The following PDE7B variants were observed in gnomAD, a reference collection of about 807,000 sequenced individuals.
PDE7B encodes the protein phosphodiesterase 7B.
PDE7B carries 29 observed loss-of-function variants against 56.2 expected under a neutral mutation model. The ratio of observed to expected loss-of-function variants is 0.52; its 90% CI spans 0.38 to 0.70. The LOEUF (loss-of-function observed/expected upper bound fraction) is 0.70. Ranked by LOEUF, PDE7B falls within the 30% of genes least tolerant of loss-of-function variation. PDE7B has a pLI of 0.00. For missense variants in PDE7B, 490 were observed against 565.0 expected, an observed-to-expected ratio of 0.87 and a Z score of 1.35; for synonymous variants, 197 against 196.9, an observed-to-expected ratio of 1.00 and a Z score of 0.00.
At chr6:136,038,089 A>C in intron 2 of PDE7B, 1 of 1,334,880 alleles carries the variant, frequency 7.5e-7, no homozygotes, top group Non-Finnish European at 9.9e-7. Context: ...AGAGACAGGG[A>C]GGTTGTGCCA....
intron 2 of PDE7B, among the ~76,000 whole-genome samples, chr6:135,960,092 G>C (rs1182210889): frequency 1.3e-5 from 2 of 152,046 alleles, no homozygotes; most frequent in Non-Finnish European, 2.9e-5. Context: ...TTCAAATATT[G>C]CTTTCATGGG....
Position 135,926,921 on chromosome 6 carries a change from G to T in PDE7B, c.22-20543G>T, listed in dbSNP as rs1434556834. 1.3e-5 allele frequency among the ~76,000 whole-genome samples: 2 copies of T among 152,074 alleles called. 1 individual carries two copies. The highest frequency in any genetic ancestry group is 2.9e-5 in the Non-Finnish European group (2 of 68,022). On this transcript the variant is annotated intron_variant, in intron 1 of 12. Coordinates refer to ENST00000308191, the MANE Select transcript of PDE7B (RefSeq NM_018945.4). The stretch of plus-strand genomic sequence containing the variant: ...TCCGCATAATCTTTATGAATTCTTT[G>T]AATTAATGTAGCTGCTTGAATTAAT...
In PDE7B at chr6:136,173,915, T is replaced by C. The variant is rs557584375; in HGVS notation, c.803+27T>C. ...TAAGTGCTGCCGAGATGAAACATAC[T>C]GATGTGCATGCAGTAAAGATAAGCC... On this transcript the variant is annotated intron_variant, in intron 9 of 12. Transcript: ENST00000308191. 3 of 1,485,816 alleles carry C rather than the reference T, an allele frequency of 2.0e-6. No individual in the cohort carries two copies. The African/African-American group carries it at 4.2e-5, about 21-fold the overall frequency. The allele number at this position is 1,485,816 out of a possible 1,614,324, so 92.0% of individuals were successfully genotyped here.
At chr6:136,019,010 C>T (rs1776025615) in intron 2 of PDE7B, among the ~76,000 whole-genome samples, 1 of 151,964 alleles carries the variant, frequency 6.6e-6, no homozygotes, top group South Asian at 2.1e-4. Context: ...ACCCACCCAG[C>T]TCAGACTCTA....
intron 2 of PDE7B, among the ~76,000 whole-genome samples, chr6:136,002,734 T>G (rs557536393): frequency 3.5e-4 from 54 of 152,200 alleles, no homozygotes; most frequent in African/African-American, 1.1e-3. Flanking sequence ...AGACTTAGAC[T>G]CCCACAAATT....
chr6:135,867,336 A>G (rs776885360), intron 1 of PDE7B, among the ~76,000 whole-genome samples: 3 of 152,304 alleles, frequency 2.0e-5, no homozygotes, highest in Admixed American at 6.5e-5. Context: ...GAGAGAGTCA[A>G]TGTTCAACAA....
intron 2 of PDE7B, chr6:136,070,116 G>C (rs935819689): frequency 2.6e-5 from 4 of 151,402 alleles, no homozygotes; most frequent in African/African-American, 7.3e-5. Context: ...GTATTCAGCT[G>C]CACTGTATCT....
At chr6:136,024,969 A>T (rs1776128035) in intron 2 of PDE7B, among the ~76,000 whole-genome samples, 1 of 152,156 alleles carries the variant, frequency 6.6e-6, no homozygotes, top group African/African-American at 2.4e-5. Context: ...TTTTATTTGC[A>T]CGTTTGTGCT....
chr6:136,195,024 A>C lies in PDE7B; in HGVS notation c.*3184A>C, dbSNP rs2128453289. 1 of 152,330 alleles carries C rather than the reference A, an allele frequency of 6.6e-6. No homozygotes were observed. The highest frequency in any genetic ancestry group is 2.1e-4 in the South Asian group (1 of 4,826). 9.4% of individuals were successfully genotyped at this position (152,330 alleles called of 1,614,324 possible). On this transcript the variant is annotated 3_prime_UTR_variant, in exon 13 of 13. Coordinates refer to ENST00000308191, the MANE Select transcript of PDE7B (RefSeq NM_018945.4). ...TTCTTTCATTGCTTGAGAAGAAAGG[A>C]ATCAAAGGACTGTGTGTAGTAAGCT...
At chr6:136,062,406 A>G (rs1236106190) in intron 2 of PDE7B, among the ~76,000 whole-genome samples, 1 of 152,234 alleles carries the variant, frequency 6.6e-6, no homozygotes, top group Middle Eastern at 3.2e-3. Flanking sequence ...CTAAGCTCTT[A>G]GAGAATTCCA....
At chr6:135,920,193 G>A (rs1460701842) in intron 1 of PDE7B, among the ~76,000 whole-genome samples, 1 of 152,028 alleles carries the variant, frequency 6.6e-6, no homozygotes, top group Non-Finnish European at 1.5e-5. Context: ...TGGCAAAAGA[G>A]AATTCAAGAT....
intron 2 of PDE7B, among the ~76,000 whole-genome samples, chr6:136,087,662 G>T (rs1415457062): frequency 6.6e-6 from 1 of 152,096 alleles, no homozygotes; most frequent in Non-Finnish European, 1.5e-5. Context: ...GTATGCTAAG[G>T]CATGCAAAGC....
At chr6:135,984,594 C>T (rs1775346592) in intron 2 of PDE7B, among the ~76,000 whole-genome samples, 2 of 152,132 alleles carry the variant, frequency 1.3e-5, no homozygotes, top group Middle Eastern at 3.4e-3. Context: ...CAGGTCTATT[C>T]CAGGAAAAAT....
intron 2 of PDE7B, among the ~76,000 whole-genome samples, chr6:135,953,305 A>C (rs561894704): frequency 6.6e-6 from 1 of 152,278 alleles, no homozygotes; most frequent in African/African-American, 2.4e-5. Context: ...TTCTTAAAAA[A>C]ATAATACACA....
At chr6:135,889,149 AG>A (rs1440796417) in intron 1 of PDE7B, among the ~76,000 whole-genome samples, 1 of 152,144 alleles carries the variant, frequency 6.6e-6, no homozygotes, top group Non-Finnish European at 1.5e-5. Context: ...TAAATTCTAA[AG>A]GAATCCTGAG....
At chr6:135,957,295 A>G (rs1774814328) in intron 2 of PDE7B, among the ~76,000 whole-genome samples, 1 of 152,196 alleles carries the variant, frequency 6.6e-6, no homozygotes, top group South Asian at 2.1e-4. Flanking sequence ...AACTAATGTT[A>G]CAAGAAATAT....
intron 3 of PDE7B, among the ~76,000 whole-genome samples, chr6:136,142,843 G>C (rs2128446163): frequency 8.1e-6 from 1 of 123,406 alleles, no homozygotes; most frequent in South Asian, 2.7e-4. Context: ...GCCTATGTGT[G>C]TCTCTGCACA....
chr6:136,136,115 A>G (rs1477503946), intron 3 of PDE7B, among the ~76,000 whole-genome samples: 1 of 152,134 alleles, frequency 6.6e-6, no homozygotes, highest in Non-Finnish European at 1.5e-5. Flanking sequence ...GGGATCCTGA[A>G]CCCTGAACTA....
At chr6:136,016,732 A>G (rs1217369336) in intron 2 of PDE7B, among the ~76,000 whole-genome samples, 1 of 152,140 alleles carries the variant, frequency 6.6e-6, no homozygotes, top group Admixed American at 6.5e-5. Flanking sequence ...ACCACCTGCA[A>G]CAGAACTGGA....
Sources: allele counts gnomAD v4.1 joint callset (sites outside exome capture counted in the v4.1 genomes callset), GRCh38; gene constraint gnomAD v4.1.1; transcripts MANE v1.5; gene names NCBI Gene and HGNC (gene_info 2026-07-23, HGNC 2026-07-21).